The following PALS1 variants were observed in gnomAD, a reference collection of about 807,000 sequenced individuals.
PALS1 encodes protein PALS1.
In PALS1, 31 loss-of-function variants were observed where a neutral mutation model predicts 78.9. That is an observed-to-expected ratio of 0.39 (90% CI 0.30 to 0.53). PALS1 has a LOEUF of 0.53. Among genes scored for constraint, PALS1 ranks in the 20% least tolerant of loss-of-function variants. The pLI is 0.67. For missense variants in PALS1, 704 were observed against 826.5 expected (o/e 0.85, Z 1.82); for synonymous variants, 276 against 270.9 (o/e 1.02, Z -0.18).
At chr14:67,331,041 G>T (rs28458235) in intron 14 of PALS1, among the ~76,000 whole-genome samples, 23,583 of 151,858 alleles carry the variant, frequency 0.16, 3,456 homozygotes, top group East Asian at 0.42. Flanking sequence ...TTTTTCTCCT[G>T]TGATATTTCT....
chr14:67,310,972 GTATTACTTT>G (rs1243253053), intron 8 of PALS1, among the ~76,000 whole-genome samples: 1 of 152,106 alleles, frequency 6.6e-6, no homozygotes, highest in Non-Finnish European at 1.5e-5. Context: ...GGGTAGACTG[GTATTACTTT>G]TATTACATAT....
intron 2 of PALS1, among the ~76,000 whole-genome samples, chr14:67,276,167 A>C (rs902524743): frequency 2.7e-5 from 4 of 150,744 alleles, no homozygotes; most frequent in African/African-American, 9.9e-5. Context: ...TCCTCTGCTT[A>C]AAATGTTTTA....
chr14:67,294,793 CT>C (rs2084820897), intron 4 of PALS1: 1 of 152,294 alleles, frequency 6.6e-6, no homozygotes, highest in Non-Finnish European at 1.5e-5. Flanking sequence ...CTGCCTCAGC[CT>C]TCGGAGTAGC....
chr14:67,246,573 A>G (rs1401776378), intron 1 of PALS1, among the ~76,000 whole-genome samples: 1 of 151,838 alleles, frequency 6.6e-6, no homozygotes, highest in Non-Finnish European at 1.5e-5. Context: ...GCAGCTGAGC[A>G]CAAGGGATCC....
chr14:67,320,549 A>T, intron 12 of PALS1, 152 bp downstream of exon 12: 2 of 714,056 alleles, frequency 2.8e-6, no homozygotes, highest in Non-Finnish European at 4.2e-6. Flanking sequence ...CAATTTTTAA[A>T]TTAAAAATAG....
At chr14:67,322,638 A>G (rs990540733) in intron 13 of PALS1, among the ~76,000 whole-genome samples, 3 of 152,158 alleles carry the variant, frequency 2.0e-5, no homozygotes, top group African/African-American at 7.2e-5. Flanking sequence ...TCAATTATAA[A>G]TTTTTGATTT....
In PALS1 at chr14:67,334,361, G is replaced by A. The variant is rs900935075; in HGVS notation, c.*1405G>A. 10 of 152,568 alleles carry A rather than the reference G, an allele frequency of 6.6e-5. No homozygotes were observed. The highest frequency in any genetic ancestry group is 2.4e-4 in the African/African-American group (10 of 41,420). 9.5% of individuals were successfully genotyped at this position (152,568 alleles called of 1,614,324 possible). A position where few individuals can be genotyped will look rare whatever the true frequency, so the allele number is the denominator to read the frequency against. ...TCAAGCCTTTAGGATAGTGTGATGTGTAACAAACAACCTCAAATGTGAATG... is the reference window on the plus strand; with the variant it reads ...TCAAGCCTTTAGGATAGTGTGATGTATAACAAACAACCTCAAATGTGAATG... On this transcript the variant is annotated 3_prime_UTR_variant, in exon 15 of 15. Coordinates refer to ENST00000261681, the MANE Select transcript of PALS1 (RefSeq NM_022474.4).
chr14:67,272,253 A>C (rs1288767863), intron 2 of PALS1, among the ~76,000 whole-genome samples: 1 of 152,144 alleles, frequency 6.6e-6, no homozygotes, highest in Non-Finnish European at 1.5e-5. Context: ...CCTATCTTCC[A>C]CTACTCTCTC....
chr14:67,290,769 A>C (rs1377775339), intron 3 of PALS1, among the ~76,000 whole-genome samples: 3 of 152,088 alleles, frequency 2.0e-5, no homozygotes, highest in Non-Finnish European at 4.4e-5. Flanking sequence ...TCCTGGACTC[A>C]AGCAGTCCAC....
chr14:67,314,267 A>G (rs2085136363), intron 9 of PALS1, among the ~76,000 whole-genome samples: 2 of 152,214 alleles, frequency 1.3e-5, no homozygotes, highest in African/African-American at 4.8e-5. Flanking sequence ...AAGTTGTCCA[A>G]AGATTTTAGA....
intron 14 of PALS1, among the ~76,000 whole-genome samples, chr14:67,332,331 T>C (rs1160070685): frequency 1.3e-5 from 2 of 152,204 alleles, no homozygotes; most frequent in Non-Finnish European, 2.9e-5. Context: ...GCAGATAGTA[T>C]AGGGCAAGGG....
chr14:67,273,991 T>C (rs1274423573), intron 2 of PALS1, among the ~76,000 whole-genome samples: 2 of 152,236 alleles, frequency 1.3e-5, no homozygotes, highest in Admixed American at 6.5e-5. Context: ...CTTGGAAATT[T>C]GTTTAAGTTC....
chr14:67,256,706 CCTGA>C (rs1016326593), intron 1 of PALS1, among the ~76,000 whole-genome samples: 1 of 151,762 alleles, frequency 6.6e-6, no homozygotes, highest in Non-Finnish European at 1.5e-5. Context: ...TGCCACCACA[CCTGA>C]CTAATTTTTG....
chr14:67,249,756 CAG>C (rs1374828860), intron 1 of PALS1, among the ~76,000 whole-genome samples: 1 of 152,128 alleles, frequency 6.6e-6, no homozygotes, highest in Non-Finnish European at 1.5e-5. Flanking sequence ...TACATTGTCA[CAG>C]AAAAGGTTTG....
Position 67,334,744 on chromosome 14 carries a change from T to C in PALS1, c.*1788T>C, listed in dbSNP as rs577658033. The C allele has an allele frequency of 1.3e-5, 2 of 152,358 alleles. No individual in the cohort carries two copies. The highest frequency in any genetic ancestry group is 3.9e-4 in the East Asian group (2 of 5,190). 9.4% of individuals were successfully genotyped at this position (152,358 alleles called of 1,614,324 possible). ...TCTTCAGATCTGAAATACTCCAGTT[T>C]AGAGCCAGGAAATTTCACAGGTCAC... On this transcript the variant is annotated 3_prime_UTR_variant, in exon 15 of 15. Coordinates refer to ENST00000261681, the MANE Select transcript of PALS1 (RefSeq NM_022474.4).
chr14:67,273,313 C>T (rs2084443487), intron 2 of PALS1, among the ~76,000 whole-genome samples: 1 of 151,882 alleles, frequency 6.6e-6, no homozygotes, highest in Non-Finnish European at 1.5e-5. Flanking sequence ...TGATGTTCCC[C>T]ACCCTGTGTC....
intron 1 of PALS1, among the ~76,000 whole-genome samples, chr14:67,269,335 T>TG (rs2084376666): frequency 6.6e-6 from 1 of 151,436 alleles, no homozygotes; most frequent in Non-Finnish European, 1.5e-5. Flanking sequence ...TTGTACAAGT[T>TG]TTTGTGTGTG....
At chr14:67,328,260 G>A (rs1174225940) in intron 14 of PALS1, among the ~76,000 whole-genome samples, 4 of 152,136 alleles carry the variant, frequency 2.6e-5, no homozygotes, top group African/African-American at 7.2e-5. Context: ...TCATGTGTCT[G>A]TTGGCTGCAT....
intron 14 of PALS1, among the ~76,000 whole-genome samples, chr14:67,331,273 G>C (rs1000497326): frequency 6.6e-6 from 1 of 152,134 alleles, no homozygotes; most frequent in African/African-American, 2.4e-5. Flanking sequence ...TCAAGCTCCC[G>C]GCCCCATGTG....
Sources: gnomAD v4.1 joint callset for allele counts (sites outside exome capture counted in the v4.1 genomes callset) on GRCh38, gnomAD v4.1.1 for gene constraint, MANE v1.5 for transcripts, NCBI Gene and HGNC (gene_info 2026-07-23, HGNC 2026-07-21) for gene names.